The following GRIK4 variants were observed in gnomAD, a reference collection of about 807,000 sequenced individuals.
GRIK4 encodes the protein glutamate ionotropic receptor kainate type subunit 4.
Under a neutral mutation model 104.9 loss-of-function variants are expected in GRIK4, and 40 were observed. That is an observed-to-expected ratio of 0.38 (90% CI 0.30 to 0.50). GRIK4 has a LOEUF of 0.50. Ranked by LOEUF, GRIK4 falls within the 20% of genes least tolerant of loss-of-function variation. GRIK4 has a pLI of 0.93. For synonymous variants in GRIK4, 485 were observed against 524.9 expected (o/e 0.92, Z 1.04); for missense variants, 1,047 against 1,308.1 (o/e 0.80, Z 3.08).
At chr11:120,739,423 C>T (rs1176468383) in intron 3 of GRIK4, among the ~76,000 whole-genome samples, 1 of 152,170 alleles carries the variant, frequency 6.6e-6, no homozygotes, top group East Asian at 1.9e-4. Flanking sequence ...CAGGTCTGAG[C>T]CTGGGCCTCT....
intron 1 of GRIK4, among the ~76,000 whole-genome samples, chr11:120,639,429 G>A (rs1483372212): frequency 6.6e-6 from 1 of 152,098 alleles, no homozygotes; most frequent in Non-Finnish European, 1.5e-5. Flanking sequence ...AGGTGCTCTT[G>A]GCACCTTGGG....
At chr11:120,827,913 A>T (rs1423298511) in intron 6 of GRIK4, among the ~76,000 whole-genome samples, 1 of 152,156 alleles carries the variant, frequency 6.6e-6, no homozygotes, top group Non-Finnish European at 1.5e-5. Flanking sequence ...GTTATTCCTT[A>T]CGTTGAGCTG....
chr11:120,962,852 C>T (rs934989502), intron 18 of GRIK4, 171 bp downstream of exon 18: 1 of 537,796 alleles, frequency 1.9e-6, no homozygotes, highest in Non-Finnish European at 3.3e-6. Flanking sequence ...AGCAAACACA[C>T]ATATTTCCTT....
At chr11:120,528,406 C>T (rs192725156) in intron 1 of GRIK4, among the ~76,000 whole-genome samples, 182 of 152,306 alleles carry the variant, frequency 1.2e-3, no homozygotes, top group Non-Finnish European at 1.8e-3. Flanking sequence ...CCACCAAGCC[C>T]GACCCTATAA....
At chr11:120,820,723 G>T (rs564882795) in intron 6 of GRIK4, among the ~76,000 whole-genome samples, 2 of 152,146 alleles carry the variant, frequency 1.3e-5, no homozygotes, top group African/African-American at 4.8e-5. Context: ...ACTGCAGAGC[G>T]ATTCCATCTT....
rs1948190940 is a variant in GRIK4, at chr11:120,556,761, C to T, written c.-159+44874C>T. On this transcript the variant is annotated intron_variant, in intron 1 of 20. Transcript: ENST00000527524. ...GGAACACGTTTTTAAAACTGTGCTC[C>T]ATAGGTTCATAATTACAGTAATCCA... Among the ~76,000 whole-genome samples the T allele has an allele frequency of 2.0e-5, 3 of 152,286 alleles. No individual in the cohort carries two copies. In the South Asian group the frequency reaches 6.2e-4, roughly 32 times the overall value.
intron 1 of GRIK4, among the ~76,000 whole-genome samples, chr11:120,652,725 G>T (rs12290833): frequency 6.6e-6 from 1 of 152,000 alleles, no homozygotes; most frequent in African/African-American, 2.4e-5. Flanking sequence ...CCTTCCTGCC[G>T]CCCCACAGAG....
rs1337975069 is a variant in GRIK4, at chr11:120,940,849, T to C, written c.1590+389T>C. Among the ~76,000 whole-genome samples the C allele has an allele frequency of 6.6e-6, 1 of 152,210 alleles. No homozygotes were observed. Among genetic ancestry groups the C allele is most frequent in the Admixed American group, 6.5e-5 (1 of 15,282 alleles). On this transcript the variant is annotated intron_variant, in intron 14 of 20. Transcript: ENST00000527524. The surrounding 1 kb of genome is among the most constrained non-coding windows in gnomAD (Gnocchi z 4.3). The stretch of plus-strand genomic sequence containing the variant: ...GTCTGTGTTCACTTCTAGTGTTGCA[T>C]TTGGCGAGGGAATGTAGATTCCTTC...
chr11:120,600,668 C>T (rs1405251913), intron 1 of GRIK4, among the ~76,000 whole-genome samples: 1 of 152,244 alleles, frequency 6.6e-6, no homozygotes, highest in Non-Finnish European at 1.5e-5. Flanking sequence ...CCTGGCATTA[C>T]AGGCAGCATC....
At position 120,764,691 on chromosome 11, in the gene GRIK4, A is replaced by T. The variant is rs369141631; in HGVS notation, c.83-38002A>T. ...CTCAGCATTTGTTTGTGTATAAAGG[A>T]TTTTATTTCTCTTTTACTTATGAAG... On this transcript the variant is annotated intron_variant, in intron 3 of 20. Transcript: ENST00000527524. 1.6e-3 allele frequency among the ~76,000 whole-genome samples: 247 copies of T among 151,454 alleles called. 1 individual carries two copies. Among genetic ancestry groups the T allele is most frequent in the African/African-American group, 5.8e-3 (240 of 41,258 alleles).
At chr11:120,984,283 A>G (rs1944701044) in intron 20 of GRIK4, among the ~76,000 whole-genome samples, 1 of 152,232 alleles carries the variant, frequency 6.6e-6, no homozygotes, top group African/African-American at 2.4e-5. Context: ...TTCTGCTCCC[A>G]TATGGTCTAG....
chr11:120,869,707 G>A lies in GRIK4; in HGVS notation c.907-4359G>A, dbSNP rs188739107. 1,255 of 152,618 alleles carry A rather than the reference G, an allele frequency of 8.2e-3. 7 individuals are homozygous for A. The highest frequency in any genetic ancestry group is 0.013 in the Non-Finnish European group (902 of 68,164). 9.5% of individuals were successfully genotyped at this position (152,618 alleles called of 1,614,324 possible). ...TCCTCTGCAAATCTGCCGTGATGACGGTCTCTTGGGGACCAGCACACAGCC... is the reference window on the plus strand; with the variant it reads ...TCCTCTGCAAATCTGCCGTGATGACAGTCTCTTGGGGACCAGCACACAGCC... On this transcript the variant is annotated intron_variant, in intron 9 of 20. Transcript: ENST00000527524.
At chr11:120,661,819 G>A (rs74941884) in intron 3 of GRIK4, among the ~76,000 whole-genome samples, 7,222 of 151,978 alleles carry the variant, frequency 0.048, 521 homozygotes, top group African/African-American at 0.16. Flanking sequence ...TCGACACACT[G>A]CTCTGCATGC....
intron 2 of GRIK4, among the ~76,000 whole-genome samples, chr11:120,659,684 C>T (rs184693891): frequency 2.0e-5 from 3 of 152,308 alleles, no homozygotes; most frequent in African/African-American, 7.2e-5. Flanking sequence ...ACTCTCCCAT[C>T]CCTTCCTCTT....
intron 3 of GRIK4, among the ~76,000 whole-genome samples, chr11:120,677,734 T>G (rs1483491585): frequency 6.6e-6 from 1 of 152,166 alleles, no homozygotes; most frequent in Non-Finnish European, 1.5e-5. Context: ...GTGGGGACAT[T>G]GCCATTTTGC....
At chr11:120,594,172 T>G (rs189466027) in intron 1 of GRIK4, among the ~76,000 whole-genome samples, 153 of 152,356 alleles carry the variant, frequency 1.0e-3, no homozygotes, top group Non-Finnish European at 1.8e-3. Flanking sequence ...TCAGTAGCTA[T>G]TCATTACCCT....
chr11:120,608,562 C>T (rs1948991504), intron 1 of GRIK4, among the ~76,000 whole-genome samples: 1 of 152,222 alleles, frequency 6.6e-6, no homozygotes, highest in Admixed American at 6.5e-5. Context: ...ATCCTCACCC[C>T]TCTAGGGCTT....
intron 3 of GRIK4, among the ~76,000 whole-genome samples, chr11:120,801,256 C>T (rs534687305): frequency 4.6e-5 from 7 of 152,254 alleles, no homozygotes; most frequent in African/African-American, 1.4e-4. Context: ...GATGGAGTCT[C>T]GCTCTGTCAC....
At chr11:120,935,973 T>TG (rs1350184199) in intron 13 of GRIK4, 22 of 196,760 alleles carry the variant, frequency 1.1e-4, no homozygotes, top group African/African-American at 4.7e-5. Context: ...GGGTTGTGTA[T>TG]GGGGGGGTGG....
Sources: gnomAD v4.1 joint callset for allele counts (sites outside exome capture counted in the v4.1 genomes callset) on GRCh38, gnomAD v4.1.1 for gene constraint, Gnocchi (gnomAD v3.1) non-coding constraint, MANE v1.5 for transcripts, NCBI Gene and HGNC (gene_info 2026-07-23, HGNC 2026-07-21) for gene names.